CDH13: variants seen among roughly 807,000 people sequenced by gnomAD.
CDH13 encodes cadherin 13, also known as cadherin-13.
A neutral mutation model predicts 63.8 loss-of-function variants in CDH13; 24 were observed. The ratio of observed to expected loss-of-function variants is 0.38; its 90% CI spans 0.27 to 0.53. CDH13 has a LOEUF of 0.53. Among genes scored for constraint, CDH13 ranks in the 20% least tolerant of loss-of-function variants. The pLI, the probability that CDH13 is intolerant of heterozygous loss-of-function variation, is 0.85. For synonymous variants in CDH13, 503 were observed against 355.3 expected (o/e 1.42, Z -4.67); for missense variants, 1,049 against 903.1 (o/e 1.16, Z -2.07).
At chr16:83,095,627 G>A (rs184758352) in intron 3 of CDH13, among the ~76,000 whole-genome samples, 1 of 152,148 alleles carries the variant, frequency 6.6e-6, no homozygotes, top group African/African-American at 2.4e-5. Context: ...AAAATCCTTG[G>A]CATATGGTAG....
intron 3 of CDH13, among the ~76,000 whole-genome samples, chr16:83,057,589 TAAAA>T (rs11354363): frequency 1.4e-5 from 2 of 147,660 alleles, no homozygotes; most frequent in Admixed American, 1.3e-4. Context: ...TTTCTATTGT[TAAAA>T]AAAAAAAAAG....
intron 2 of CDH13, among the ~76,000 whole-genome samples, chr16:82,956,042 G>C (rs1329470972): frequency 2.0e-5 from 3 of 152,096 alleles, no homozygotes; most frequent in Non-Finnish European, 2.9e-5. Flanking sequence ...AACTCTCCAA[G>C]TGCAAAGTTA....
At chr16:82,706,969 C>G (rs1281862538) in intron 1 of CDH13, among the ~76,000 whole-genome samples, 1 of 152,118 alleles carries the variant, frequency 6.6e-6, no homozygotes, top group African/African-American at 2.4e-5. Context: ...GCCTTCAGTT[C>G]TACATTTAGG....
chr16:82,749,511 G>A (rs1193559289), intron 1 of CDH13, among the ~76,000 whole-genome samples: 1 of 152,158 alleles, frequency 6.6e-6, no homozygotes, highest in African/African-American at 2.4e-5. Flanking sequence ...GTGCTCTGAA[G>A]TATTACCTAG....
At chr16:83,529,305 T>G (rs540873174) in intron 7 of CDH13, among the ~76,000 whole-genome samples, 59 of 152,222 alleles carry the variant, frequency 3.9e-4, no homozygotes, top group African/African-American at 1.4e-3. Flanking sequence ...TAACAGGCTT[T>G]GTCTTTTGCC....
chr16:83,202,344 A>G (rs984928222), intron 4 of CDH13, among the ~76,000 whole-genome samples: 2 of 152,190 alleles, frequency 1.3e-5, no homozygotes, highest in Admixed American at 6.5e-5. Context: ...CTGAAGACAG[A>G]GGCAGGGATA....
At chr16:83,346,619 G>A (rs1015965014) in intron 6 of CDH13, among the ~76,000 whole-genome samples, 2 of 152,162 alleles carry the variant, frequency 1.3e-5, no homozygotes, top group African/African-American at 4.8e-5. Flanking sequence ...TATATGATTA[G>A]ACGGTGTCCA....
At chr16:83,174,996 A>C (rs2038070185) in intron 4 of CDH13, among the ~76,000 whole-genome samples, 1 of 152,168 alleles carries the variant, frequency 6.6e-6, no homozygotes, top group East Asian at 1.9e-4. Context: ...TGGGGATTAA[A>C]ATTTGAGGTG....
chr16:82,768,218 A>G (rs533354493), intron 1 of CDH13, among the ~76,000 whole-genome samples: 5 of 152,212 alleles, frequency 3.3e-5, no homozygotes, highest in African/African-American at 1.2e-4. Flanking sequence ...ATGTCTTACT[A>G]TTGACAGGAA....
intron 6 of CDH13, among the ~76,000 whole-genome samples, chr16:83,389,560 C>T (rs375930167): frequency 4.5e-4 from 69 of 152,296 alleles, no homozygotes; most frequent in Middle Eastern, 6.8e-3. Flanking sequence ...ATTTTATTCT[C>T]CACATAATGC....
At chr16:83,107,735 T>C (rs761953786) in intron 3 of CDH13, among the ~76,000 whole-genome samples, 1 of 106,702 alleles carries the variant, frequency 9.4e-6, no homozygotes, top group Admixed American at 8.8e-5. Flanking sequence ...TTTAGGTGGG[T>C]TTTTTTTTTT....
At chr16:83,680,354 C>A (rs773846058) in intron 10 of CDH13, among the ~76,000 whole-genome samples, 4 of 152,190 alleles carry the variant, frequency 2.6e-5, no homozygotes, top group Admixed American at 6.5e-5. Flanking sequence ...ATACACAGCA[C>A]AGAGGGCCGC....
At position 82,639,488 on chromosome 16, in the gene CDH13, C is replaced by G. The variant is rs565426910; in HGVS notation, c.45+12351C>G. 1.6e-5 allele frequency: 23 copies of G among 1,461,938 alleles called. No individual in the cohort carries two copies. The East Asian group carries it at 1.7e-4, about 11-fold the overall frequency. 90.6% of individuals were successfully genotyped at this position (1,461,938 alleles called of 1,614,324 possible). On this transcript the variant is annotated intron_variant, in intron 1 of 13. Transcript: ENST00000567109. ...CAGGTAAATTTGCCTGCTGCTGTGTCGTGTGGCTGGATGGAATTCTTCCCT... is the reference window on the plus strand; with the variant it reads ...CAGGTAAATTTGCCTGCTGCTGTGTGGTGTGGCTGGATGGAATTCTTCCCT...
At chr16:82,861,637 C>G (rs1043292489) in intron 2 of CDH13, among the ~76,000 whole-genome samples, 1 of 152,192 alleles carries the variant, frequency 6.6e-6, no homozygotes, top group Non-Finnish European at 1.5e-5. Flanking sequence ...GTCACCTCCA[C>G]TCCTTTTATT....
At chr16:83,298,967 C>G (rs1313404054) in intron 5 of CDH13, among the ~76,000 whole-genome samples, 1 of 152,100 alleles carries the variant, frequency 6.6e-6, no homozygotes, top group Non-Finnish European at 1.5e-5. Flanking sequence ...AAAAGTAATG[C>G]ATGCTTGTTT....
intron 5 of CDH13, among the ~76,000 whole-genome samples, chr16:83,322,640 G>C (rs140850672): frequency 1.3e-5 from 2 of 152,096 alleles, no homozygotes; most frequent in African/African-American, 2.4e-5. Context: ...GCAGTGAGCA[G>C]GGGGTGCCCA....
chr16:83,026,849 C>T (rs551488679), intron 2 of CDH13, among the ~76,000 whole-genome samples: 274 of 152,254 alleles, frequency 1.8e-3, no homozygotes, highest in African/African-American at 6.4e-3. Flanking sequence ...GCAAGTTTTA[C>T]TGGCATCTTT....
At chr16:82,728,155 A>G (rs1455464017) in intron 1 of CDH13, among the ~76,000 whole-genome samples, 3 of 152,122 alleles carry the variant, frequency 2.0e-5, no homozygotes, top group Non-Finnish European at 2.9e-5. Context: ...GACACATACA[A>G]AGCACTCCAA....
chr16:82,783,177 C>A (rs938586470), intron 1 of CDH13, among the ~76,000 whole-genome samples: 6 of 152,192 alleles, frequency 3.9e-5, no homozygotes, highest in Non-Finnish European at 1.5e-5. Flanking sequence ...GGAGCATGGG[C>A]AATCCATACT....
Sources: allele counts gnomAD v4.1 joint callset (sites outside exome capture counted in the v4.1 genomes callset), GRCh38; gene constraint gnomAD v4.1.1; transcripts MANE v1.5; gene names NCBI Gene and HGNC (gene_info 2026-07-23, HGNC 2026-07-21).